LPP: variants seen among roughly 807,000 people sequenced by gnomAD.
The protein encoded by LPP is LIM domain containing preferred translocation partner in lipoma.
LPP carries 38 observed loss-of-function variants against 60.4 expected under a neutral mutation model. The observed-to-expected ratio is 0.63, with a 90% CI of 0.49 to 0.83. The LOEUF (loss-of-function observed/expected upper bound fraction) is 0.83, where lower values mean the gene tolerates loss of function less well. Among genes scored for constraint, LPP ranks in the 40% least tolerant of loss-of-function variants. The probability of loss-of-function intolerance (pLI) is 0.00; values close to 1 mark genes in which losing one functional copy is unlikely to be tolerated. For synonymous variants in LPP, 328 were observed against 290.8 expected (o/e 1.13, Z -1.30); for missense variants, 902 against 783.6 (o/e 1.15, Z -1.80).
intron 1 of LPP, among the ~76,000 whole-genome samples, chr3:188,166,366 A>T (rs1482498158): frequency 6.6e-6 from 1 of 152,158 alleles, no homozygotes; most frequent in Non-Finnish European, 1.5e-5. Context: ...TGATGGAACA[A>T]CCATTTCGTT....
At chr3:188,575,066 T>C (rs1161045379) in intron 6 of LPP, among the ~76,000 whole-genome samples, 1 of 152,076 alleles carries the variant, frequency 6.6e-6, no homozygotes, top group Admixed American at 6.6e-5. Flanking sequence ...CATCCTTAAT[T>C]TGCGGCCTGA....
intron 7 of LPP, among the ~76,000 whole-genome samples, chr3:188,617,031 A>G (rs1170470044): frequency 6.6e-6 from 1 of 152,104 alleles, no homozygotes; most frequent in South Asian, 2.1e-4. Context: ...TTGTTGATGC[A>G]ATTGTTTATT....
intron 4 of LPP, among the ~76,000 whole-genome samples, chr3:188,422,753 G>A (rs139999100): frequency 5.1e-4 from 78 of 152,208 alleles, no homozygotes; most frequent in African/African-American, 1.8e-3. Flanking sequence ...CATTCAGTTG[G>A]ATAGTTCTGG....
chr3:188,348,823 A>G (rs1022435565), intron 3 of LPP, among the ~76,000 whole-genome samples: 20 of 150,962 alleles, frequency 1.3e-4, no homozygotes, highest in African/African-American at 3.2e-4. Context: ...GTGTGCTGAC[A>G]ATGCCTGGCA....
chr3:188,262,286 A>T (rs1022323693), intron 2 of LPP, among the ~76,000 whole-genome samples: 8 of 152,080 alleles, frequency 5.3e-5, no homozygotes, highest in African/African-American at 1.9e-4. Context: ...GATTATGGGT[A>T]GTCTTAAAAT....
chr3:188,249,323 G>C (rs542627398), intron 2 of LPP, among the ~76,000 whole-genome samples: 24 of 152,034 alleles, frequency 1.6e-4, no homozygotes, highest in African/African-American at 5.3e-4. Flanking sequence ...ATTGGGCCTG[G>C]GACATCAAGG....
chr3:188,473,602 G>A (rs544241448), intron 4 of LPP, among the ~76,000 whole-genome samples: 5 of 152,250 alleles, frequency 3.3e-5, no homozygotes, highest in African/African-American at 7.2e-5. Context: ...AGGAGATTCC[G>A]ATACACACCA....
intron 6 of LPP, among the ~76,000 whole-genome samples, chr3:188,566,450 A>C (rs1188323814): frequency 6.6e-6 from 1 of 151,884 alleles, no homozygotes; most frequent in East Asian, 1.9e-4. Context: ...CTCACCAAAT[A>C]ACTCAGATTT....
At chr3:188,666,811 G>T (rs1855892737) in intron 7 of LPP, among the ~76,000 whole-genome samples, 1 of 152,136 alleles carries the variant, frequency 6.6e-6, no homozygotes, top group Non-Finnish European at 1.5e-5. Context: ...GGAGAAAGAG[G>T]AGATTTTCAA....
chr3:188,771,043 AT>A (rs1735781616), intron 9 of LPP, among the ~76,000 whole-genome samples: 1 of 152,124 alleles, frequency 6.6e-6, no homozygotes, highest in African/African-American at 2.4e-5. Flanking sequence ...ATCTGCATTC[AT>A]TTGTACTATC....
chr3:188,697,736 A>G lies in LPP; in HGVS notation c.1114-10531A>G, dbSNP rs1002826199. 2.6e-5 allele frequency among the ~76,000 whole-genome samples: 4 copies of G among 152,334 alleles called. No homozygotes were observed. In the East Asian group the frequency reaches 7.7e-4, roughly 29 times the overall value. On this transcript the variant is annotated intron_variant, in intron 7 of 11. Transcript: ENST00000617246. ...AACTCAAATTAATCATAATATCACAATCCTGACATAAGTCTTGTTAACATT... is the reference window on the plus strand; with the variant it reads ...AACTCAAATTAATCATAATATCACAGTCCTGACATAAGTCTTGTTAACATT...
At chr3:188,447,230 A>C (rs1165009888) in intron 4 of LPP, among the ~76,000 whole-genome samples, 5 of 152,224 alleles carry the variant, frequency 3.3e-5, no homozygotes, top group Non-Finnish European at 7.3e-5. Flanking sequence ...TCTGCACATC[A>C]GTAGTTTATA....
At chr3:188,864,344 G>T (rs9880894) in intron 9 of LPP, among the ~76,000 whole-genome samples, 65,389 of 151,996 alleles carry the variant, frequency 0.43, 14,944 homozygotes, top group East Asian at 0.84. Context: ...ATATTCATTC[G>T]TTCATTCTTT....
At chr3:188,821,139 G>A (rs2151446743) in intron 9 of LPP, among the ~76,000 whole-genome samples, 1 of 151,006 alleles carries the variant, frequency 6.6e-6, no homozygotes, top group South Asian at 2.1e-4. Context: ...TCAGACTTCA[G>A]TTGGAAAAAT....
intron 2 of LPP, among the ~76,000 whole-genome samples, chr3:188,243,484 G>A (rs1319052534): frequency 2.0e-5 from 3 of 152,174 alleles, no homozygotes; most frequent in African/African-American, 7.2e-5. Flanking sequence ...GATCTGGGAA[G>A]GGCCTTTGAA....
chr3:188,583,265 T>A (rs1836675339), intron 6 of LPP, among the ~76,000 whole-genome samples: 1 of 152,194 alleles, frequency 6.6e-6, no homozygotes, highest in African/African-American at 2.4e-5. Context: ...ATGAAGAAGA[T>A]GTGTAGTATC....
chr3:188,842,286 G>A (rs185268003), intron 9 of LPP, among the ~76,000 whole-genome samples: 66 of 152,316 alleles, frequency 4.3e-4, no homozygotes, highest in Middle Eastern at 6.8e-3. Context: ...ATGATGTTAA[G>A]CAGCTTTTCA....
intron 8 of LPP, chr3:188,709,757 T>C (rs1208237079): frequency 1.3e-5 from 2 of 152,238 alleles, no homozygotes; most frequent in African/African-American, 4.8e-5. Flanking sequence ...CCTTTCACAT[T>C]TTCTGTGGTA....
At chr3:188,175,553 ATACTTG>A (rs1722828158) in intron 1 of LPP, among the ~76,000 whole-genome samples, 1 of 152,178 alleles carries the variant, frequency 6.6e-6, no homozygotes, top group Non-Finnish European at 1.5e-5. Flanking sequence ...ATGTGTTTTT[ATACTTG>A]TAAGGTCGAT....
Sources: allele counts gnomAD v4.1 joint callset (sites outside exome capture counted in the v4.1 genomes callset), GRCh38; gene constraint gnomAD v4.1.1; transcripts MANE v1.5; gene names NCBI Gene and HGNC (gene_info 2026-07-23, HGNC 2026-07-21).